The following CALCOCO2 variants were observed in gnomAD, a reference collection of about 807,000 sequenced individuals.
CALCOCO2 encodes the protein calcium binding and coiled-coil domain 2.
Under a neutral mutation model 62.5 loss-of-function variants are expected in CALCOCO2, and 42 were observed. The ratio of observed to expected loss-of-function variants is 0.67; its 90% CI spans 0.53 to 0.87. The LOEUF (loss-of-function observed/expected upper bound fraction) is 0.87. Among genes scored for constraint, CALCOCO2 ranks in the 40% least tolerant of loss-of-function variants. The probability of loss-of-function intolerance (pLI) is 0.00; values close to 1 mark genes in which losing one functional copy is unlikely to be tolerated. For missense variants in CALCOCO2, 456 were observed against 515.0 expected (o/e 0.89, Z 1.11); for synonymous variants, 167 against 173.0 (o/e 0.97, Z 0.27).
At chr17:48,847,094 A>G (rs947690229) in intron 2 of CALCOCO2, among the ~76,000 whole-genome samples, 1 of 152,164 alleles carries the variant, frequency 6.6e-6, no homozygotes, top group Non-Finnish European at 1.5e-5. Flanking sequence ...ATTGTTGTTA[A>G]TATCTTTATT....
At chr17:48,852,428 A>G (rs2040146962) in intron 7 of CALCOCO2, 78 bp from the exon 8 acceptor site, 1 of 1,297,382 alleles carries the variant, frequency 7.7e-7, no homozygotes, top group African/African-American at 1.5e-5. Context: ...TCTCTTTGTT[A>G]TTGTACGTTA....
intron 1 of CALCOCO2, 41 bp from the exon 2 acceptor site, chr17:48,841,657 A>C: frequency 5.1e-6 from 7 of 1,374,490 alleles, no homozygotes; most frequent in Non-Finnish European, 7.0e-6. Flanking sequence ...CATTTCAGAC[A>C]ATGCTTTCTG....
chr17:48,832,748 T>C (rs1386160428), intron 1 of CALCOCO2, among the ~76,000 whole-genome samples: 1 of 152,158 alleles, frequency 6.6e-6, no homozygotes, highest in Non-Finnish European at 1.5e-5. Flanking sequence ...GAATCACCCC[T>C]GTCAAGGGAA....
chr17:48,851,016 T>G (rs1290885386), intron 5 of CALCOCO2, 73 bp from the exon 6 acceptor site: 57 of 800,744 alleles, frequency 7.1e-5, no homozygotes, highest in South Asian at 6.8e-4. Context: ...AATAAATATT[T>G]GTTGCCTGCC....
chr17:48,848,999 A>C (rs186039722), intron 4 of CALCOCO2, among the ~76,000 whole-genome samples: 1 of 152,358 alleles, frequency 6.6e-6, no homozygotes, highest in East Asian at 1.9e-4. Flanking sequence ...CTGCAAGAAG[A>C]AGCTACATTC....
intron 1 of CALCOCO2, among the ~76,000 whole-genome samples, chr17:48,837,506 C>T (rs2039910210): frequency 1.3e-5 from 2 of 152,092 alleles, no homozygotes; most frequent in Non-Finnish European, 1.5e-5. Flanking sequence ...ATTAGCTGGG[C>T]ATGGTGGCGT....
rs565394795 is a variant in CALCOCO2, at chr17:48,857,894, G to A, written c.1008+1707G>A. 2.3e-3 allele frequency among the ~76,000 whole-genome samples: 350 copies of A among 149,340 alleles called. 1 individual carries two copies. The highest frequency in any genetic ancestry group is 2.4e-3 in the Non-Finnish European group (165 of 67,496). On this transcript the variant is annotated intron_variant, in intron 10 of 12. Transcript: ENST00000258947. The stretch of plus-strand genomic sequence containing the variant: ...CAGGAGGCTGAGGCAGGAAAATGGC[G>A]TGAACCCAGGAGGTGGAGCTTGCAG...
At chr17:48,850,920 A>T in intron 5 of CALCOCO2, 169 bp from the exon 6 acceptor site, 3 of 112,106 alleles carry the variant, frequency 2.7e-5, no homozygotes, top group East Asian at 4.0e-4. Flanking sequence ...ACTGTCTTAA[A>T]AAAAAAAAAA....
intron 7 of CALCOCO2, 197 bp downstream of exon 7, chr17:48,851,825 TAAA>T: frequency 1.0e-5 from 4 of 395,668 alleles, no homozygotes; most frequent in Admixed American, 4.1e-5. Flanking sequence ...CCCCTGCTTT[TAAA>T]AAAAAAAAAA....
chr17:48,846,461 G>A lies in CALCOCO2; in HGVS notation c.181-1603G>A, dbSNP rs2040054458. On this transcript the variant is annotated intron_variant, in intron 2 of 12. Coordinates refer to ENST00000258947, the MANE Select transcript of CALCOCO2 (RefSeq NM_005831.5). Reference sequence around the variant, plus strand: ...GACTTAGGCATTTAAATGTTTCCAAGACAAATTGGAACAAGAACTACTCAA... The same window carrying A: ...GACTTAGGCATTTAAATGTTTCCAAAACAAATTGGAACAAGAACTACTCAA... 2.0e-6 allele frequency: 3 copies of A among 1,479,544 alleles called. No individual in the cohort carries two copies. The African/African-American group carries it at 4.2e-5, about 21-fold the overall frequency. 91.7% of individuals were successfully genotyped at this position (1,479,544 alleles called of 1,614,324 possible).
At chr17:48,858,334 G>C (rs1031221267) in intron 10 of CALCOCO2, among the ~76,000 whole-genome samples, 1 of 149,784 alleles carries the variant, frequency 6.7e-6, no homozygotes, top group African/African-American at 2.5e-5. Context: ...CTTTTGTTTT[G>C]TTTGTTTGTT....
chr17:48,864,106 C>G lies in CALCOCO2; in HGVS notation c.*1101C>G, dbSNP rs2040363578. 1 of 142,532 alleles carries G rather than the reference C, an allele frequency of 7.0e-6. No individual in the cohort carries two copies. The highest frequency in any genetic ancestry group is 1.5e-5 in the Non-Finnish European group (1 of 66,388). The allele number at this position is 142,532 out of a possible 1,614,324, so 8.8% of individuals were successfully genotyped here. On this transcript the variant is annotated 3_prime_UTR_variant, in exon 13 of 13. Coordinates refer to ENST00000258947, the MANE Select transcript of CALCOCO2 (RefSeq NM_005831.5). ...TTTTTGAAACAGTCTCTCTCTGTCA[C>G]CCAGGCTGGCGTGCAATGGCGCAGT...
chr17:48,857,602 T>C (rs1305068063), intron 10 of CALCOCO2, among the ~76,000 whole-genome samples: 2 of 147,522 alleles, frequency 1.4e-5, no homozygotes, highest in East Asian at 2.0e-4. Context: ...TCCTGATCTT[T>C]ACCCTCTATA....
intron 10 of CALCOCO2, among the ~76,000 whole-genome samples, chr17:48,858,758 T>G (rs2143673210): frequency 6.6e-6 from 1 of 152,094 alleles, no homozygotes; most frequent in East Asian, 1.9e-4. Flanking sequence ...TTTGGAAGCT[T>G]TGTTAAGAAC....
chr17:48,849,656 C>A (rs2040100415), intron 5 of CALCOCO2, among the ~76,000 whole-genome samples: 1 of 151,946 alleles, frequency 6.6e-6, no homozygotes, highest in Admixed American at 6.6e-5. Context: ...CAGGTGATCA[C>A]CACCACACCC....
At chr17:48,851,040 C>A in intron 5 of CALCOCO2, 49 bp from the exon 6 acceptor site, 1 of 1,052,204 alleles carries the variant, frequency 9.5e-7, no homozygotes, top group Non-Finnish European at 1.5e-6. Context: ...GATACTCATT[C>A]AAAAGTCATA....
intron 1 of CALCOCO2, among the ~76,000 whole-genome samples, chr17:48,835,751 TTTTC>T: frequency 8.4e-6 from 1 of 119,118 alleles, no homozygotes; most frequent in Non-Finnish European, 1.6e-5. Flanking sequence ...TTTTCTTTTC[TTTTC>T]TTTTTTTTTG....
intron 10 of CALCOCO2, among the ~76,000 whole-genome samples, chr17:48,857,987 T>C (rs866794458): frequency 3.3e-4 from 6 of 18,440 alleles, no homozygotes; most frequent in Admixed American, 1.3e-3. Context: ...TAGAATAGAA[T>C]AGAATAGAAT....
chr17:48,853,570 T>C (rs938938102), intron 9 of CALCOCO2, among the ~76,000 whole-genome samples: 3 of 152,330 alleles, frequency 2.0e-5, no homozygotes, highest in South Asian at 4.1e-4. Flanking sequence ...CTGAGGGATA[T>C]CCAGTCATCT....
Sources: gnomAD v4.1 joint callset for allele counts (sites outside exome capture counted in the v4.1 genomes callset) on GRCh38, gnomAD v4.1.1 for gene constraint, MANE v1.5 for transcripts, NCBI Gene and HGNC (gene_info 2026-07-23, HGNC 2026-07-21) for gene names.